The following ATP5PB variants were observed in gnomAD, a reference collection of about 807,000 sequenced individuals.
ATP5PB encodes ATP synthase peripheral stalk-membrane subunit b, also known as ATP synthase peripheral stalk subunit b, mitochondrial.
A neutral mutation model predicts 34.5 loss-of-function variants in ATP5PB; 21 were observed. That is an observed-to-expected ratio of 0.61 (90% CI 0.43 to 0.88). The LOEUF (loss-of-function observed/expected upper bound fraction) is 0.88. Ranked by LOEUF, ATP5PB falls within the 40% of genes least tolerant of loss-of-function variation. The pLI is 0.00. For missense variants in ATP5PB, 293 were observed against 317.4 expected (o/e 0.92, Z 0.58); for synonymous variants, 108 against 114.1 (o/e 0.95, Z 0.34).
chr1:111,458,451 T>G (rs1003675310), intron 5 of ATP5PB, among the ~76,000 whole-genome samples: 3 of 152,176 alleles, frequency 2.0e-5, no homozygotes, highest in Non-Finnish European at 2.9e-5. Flanking sequence ...TGTGGATTTT[T>G]GGGGAAATAA....
chr1:111,452,819 C>T (rs1256271249), intron 2 of ATP5PB, among the ~76,000 whole-genome samples: 1 of 152,132 alleles, frequency 6.6e-6, no homozygotes, highest in Admixed American at 6.5e-5. Context: ...CTACTGGTAC[C>T]TATTGTATAA....
At chr1:111,458,957 T>C (rs12040764) in intron 5 of ATP5PB, among the ~76,000 whole-genome samples, 57,036 of 151,968 alleles carry the variant, frequency 0.38, 11,733 homozygotes, top group African/African-American at 0.55. Flanking sequence ...GTGTTTAGAG[T>C]GTAGTCAGTA....
chr1:111,459,414 C>G (rs763745053), intron 5 of ATP5PB, 43 bp from the exon 6 acceptor site: 23 of 1,547,530 alleles, frequency 1.5e-5, no homozygotes, highest in Non-Finnish European at 1.3e-5. Context: ...AGTATTCCTT[C>G]AAGTATACAA....
rs757563096 is a variant in ATP5PB at position 111,456,066 on chromosome 1, A to T, written c.224-20A>T. The T allele has an allele frequency of 5.8e-6, 9 of 1,544,540 alleles. No homozygotes were observed. Among genetic ancestry groups the T allele is most frequent in the Non-Finnish European group, 7.9e-6 (9 of 1,143,786 alleles). Reference sequence around the variant, plus strand: ...TAGGCATAGCATATCCCTTCATAAAATAACTCTTTCTTCTTTTAGGACCCT... The same window carrying T: ...TAGGCATAGCATATCCCTTCATAAATTAACTCTTTCTTCTTTTAGGACCCT... On this transcript the variant is annotated intron_variant, in intron 3 of 6. Transcript: ENST00000369722.
chr1:111,453,560 C>T (rs1277686248), intron 2 of ATP5PB, among the ~76,000 whole-genome samples: 3 of 152,076 alleles, frequency 2.0e-5, no homozygotes, highest in Admixed American at 6.5e-5. Context: ...TATGTATCAT[C>T]TCAATTCAAA....
intron 2 of ATP5PB, among the ~76,000 whole-genome samples, chr1:111,452,909 G>A (rs947023571): frequency 8.5e-5 from 13 of 152,162 alleles, no homozygotes; most frequent in Admixed American, 5.2e-4. Flanking sequence ...TTCAAACGTC[G>A]GTAGTGCTGA....
intron 1 of ATP5PB, 105 bp from the exon 2 acceptor site, chr1:111,449,732 G>A (rs1653253235): frequency 1.9e-6 from 3 of 1,578,740 alleles, no homozygotes; most frequent in Admixed American, 1.7e-5. Flanking sequence ...CTTGAGGGAC[G>A]GGAAAGAGGG....
At chr1:111,452,276 A>T (rs1301139778) in intron 2 of ATP5PB, among the ~76,000 whole-genome samples, 1 of 152,216 alleles carries the variant, frequency 6.6e-6, no homozygotes, top group Non-Finnish European at 1.5e-5. Flanking sequence ...GGTATTTAAT[A>T]AGAAGCAGAG....
At position 111,462,105 on chromosome 1, in the gene ATP5PB, CAAAA is replaced by C. The variant is rs1260974958; in HGVS notation, c.*1115_*1118del. The C allele has an allele frequency of 1.3e-5, 2 of 152,072 alleles. No homozygotes were observed. Among genetic ancestry groups the C allele is most frequent in the Non-Finnish European group, 2.9e-5 (2 of 68,002 alleles). The allele number at this position is 152,072 out of a possible 1,614,324, so 9.4% of individuals were successfully genotyped here. A position where few individuals can be genotyped will look rare whatever the true frequency, so the allele number is the denominator to read the frequency against. On this transcript the variant is annotated 3_prime_UTR_variant, in exon 7 of 7. Coordinates refer to ENST00000369722, the MANE Select transcript of ATP5PB (RefSeq NM_001688.5). The stretch of plus-strand genomic sequence containing the variant: ...AGCAATCCCAGTCGACATATATACT[CAAAA>C]AAATTAAAAGCAGGGTCTTGAAGAG...
At chr1:111,449,991 C>T in intron 2 of ATP5PB, 118 bp downstream of exon 2, 1 of 1,278,122 alleles carries the variant, frequency 7.8e-7, no homozygotes, top group Non-Finnish European at 1.1e-6. Context: ...TTTTGGGACA[C>T]TTAAACCCTC....
chr1:111,458,382 A>G (rs1653528920), intron 5 of ATP5PB, among the ~76,000 whole-genome samples: 1 of 152,234 alleles, frequency 6.6e-6, no homozygotes, highest in African/African-American at 2.4e-5. Context: ...AGGGCATTCA[A>G]GAAATGTCTC....
At chr1:111,459,431 T>G in intron 5 of ATP5PB, 26 bp from the exon 6 acceptor site, 2 of 1,586,316 alleles carry the variant, frequency 1.3e-6, no homozygotes, top group Non-Finnish European at 1.7e-6. Context: ...ACAAACAATA[T>G]TTATCATTTC....
intron 6 of ATP5PB, among the ~76,000 whole-genome samples, chr1:111,460,468 A>G (rs1180376362): frequency 6.6e-6 from 1 of 150,950 alleles, no homozygotes; most frequent in Non-Finnish European, 1.5e-5. Context: ...ACTTTTACAT[A>G]AAAGTAATAT....
intron 3 of ATP5PB, 122 bp downstream of exon 3, chr1:111,454,478 A>T: frequency 7.9e-7 from 1 of 1,258,558 alleles, no homozygotes; most frequent in East Asian, 2.4e-5. Flanking sequence ...GTTTTTTGAG[A>T]CAGGGTATTA....
Position 111,459,642 on chromosome 1 carries a change from C to CA in ATP5PB, c.693+8dup, listed in dbSNP as rs747121483. On this transcript the variant is annotated splice_region_variant and intron_variant, in intron 6 of 6. Transcript: ENST00000369722. ...AAAGCATCTCCACACAGCAGGTACA[C>CA]AACATTTTTGTAGGTTCTGATGTTG... The CA allele has an allele frequency of 2.1e-5, 34 of 1,612,624 alleles. No individual in the cohort carries two copies. The South Asian group carries it at 3.6e-4, about 17-fold the overall frequency.
In ATP5PB at chr1:111,459,635, A is replaced by G. The variant is rs1316515675; in HGVS notation, c.692A>G (p.Gln231Arg). The G allele has an allele frequency of 4.3e-6, 7 of 1,613,448 alleles. No homozygotes were observed. The highest frequency in any genetic ancestry group is 1.3e-5 in the African/African-American group (1 of 75,038). The change falls in exon 6 of 7, where the codon CAG becomes CGG. Residue 231 changes from glutamine (Q) to arginine (R), a missense_variant and splice_region_variant. Physicochemically the swap from Gln to Arg is conservative, Grantham distance 43. Transcript: ENST00000369722. ...GTGGTGCAAAGCATCTCCACACAGC[A>G]GGTACACAACATTTTTGTAGGTTCT... The part of the protein sequence containing the change: ...KHVVQSISTQ[Q>R]EKETIAKCIA...
At position 111,453,793 on chromosome 1, in the gene ATP5PB, C is replaced by T. The variant is rs189443483; in HGVS notation, c.78-418C>T. Among the ~76,000 whole-genome samples the T allele has an allele frequency of 3.9e-5, 6 of 152,288 alleles. No homozygotes were observed. In the East Asian group the frequency reaches 1.2e-3, roughly 29 times the overall value. ...TCTCAACAACCATATAAGGTATTAT[C>T]TTCTATTTCCATTTTACTGAGAGAA... On this transcript the variant is annotated intron_variant, in intron 2 of 6. Transcript: ENST00000369722.
chr1:111,462,343 T>C lies in ATP5PB; in HGVS notation c.*1349T>C, dbSNP rs1653644980. 6.6e-6 allele frequency: 1 copy of C among 152,254 alleles called. No individual in the cohort carries two copies. Among genetic ancestry groups the C allele is most frequent in the African/African-American group, 2.4e-5 (1 of 41,456 alleles). 9.4% of individuals were successfully genotyped at this position (152,254 alleles called of 1,614,324 possible). ...TTATGCAGTTTTACAGGATGAGTTA[T>C]GGAGCTGGATAGTGGTGATGGTGGC... is the stretch of plus-strand genomic sequence containing the variant. On this transcript the variant is annotated 3_prime_UTR_variant, in exon 7 of 7. Coordinates refer to ENST00000369722, the MANE Select transcript of ATP5PB (RefSeq NM_001688.5).
rs1653563189 is a variant in ATP5PB, at chr1:111,459,605, A to T, written c.662A>T (p.Lys221Met). 6.2e-7 allele frequency: 1 copy of T among 1,613,814 alleles called. No homozygotes were observed. The highest frequency in any genetic ancestry group is 1.3e-5 in the African/African-American group (1 of 74,942). ...EQEHMINWVE[K>M]HVVQSISTQQ... ...GAACACATGATAAATTGGGTGGAGA[A>T]GCACGTGGTGCAAAGCATCTCCACA... is the stretch of plus-strand genomic sequence containing the variant. Residue 221 changes from lysine (K) to methionine (M), a missense_variant, in exon 6 of 7, where the codon AAG becomes ATG. Transcript: ENST00000369722.
Sources: allele counts gnomAD v4.1 joint callset (sites outside exome capture counted in the v4.1 genomes callset), GRCh38; gene constraint gnomAD v4.1.1; transcripts MANE v1.5; gene names NCBI Gene and HGNC (gene_info 2026-07-23, HGNC 2026-07-21).